The following AKAP10 variants were observed in gnomAD, a reference collection of about 807,000 sequenced individuals.
The protein encoded by AKAP10 is A-kinase anchoring protein 10, also known as A-kinase anchor protein 10, mitochondrial.
A neutral mutation model predicts 80.8 loss-of-function variants in AKAP10; 24 were observed. The observed-to-expected ratio is 0.30, with a 90% CI of 0.22 to 0.42. The LOEUF is 0.42. Ranked by LOEUF, AKAP10 falls within the 10% of genes least tolerant of loss-of-function variation. The probability of loss-of-function intolerance (pLI) is 1.00; values close to 1 mark genes in which losing one functional copy is unlikely to be tolerated. For synonymous variants in AKAP10, 291 were observed against 277.7 expected (o/e 1.05, Z -0.48); for missense variants, 661 against 794.9 (o/e 0.83, Z 2.03).
chr17:19,950,545 G>A lies in AKAP10; in HGVS notation c.878-3040C>T, dbSNP rs926766457. ...GGGCTGGTCTCCAGCTCCTGACCGC[G>A]AGTGATCTGCCTGCCTCGGCCTCCC... is the stretch of plus-strand genomic sequence containing the variant. On this transcript the variant is annotated intron_variant, in intron 4 of 14. Coordinates refer to ENST00000225737, the MANE Select transcript of AKAP10 (RefSeq NM_007202.4). Among the ~76,000 whole-genome samples the A allele has an allele frequency of 3.3e-4, 50 of 152,264 alleles. 1 individual carries two copies. The highest frequency in any genetic ancestry group is 4.1e-4 in the Non-Finnish European group (28 of 68,046).
chr17:19,937,010 A>G (rs935752004), intron 8 of AKAP10, among the ~76,000 whole-genome samples: 15 of 152,292 alleles, frequency 9.8e-5, no homozygotes, highest in South Asian at 6.2e-4. Context: ...ACCAATATTG[A>G]TAACACAAAG....
At chr17:19,906,414 G>T (rs1268621748) in intron 14 of AKAP10, among the ~76,000 whole-genome samples, 182 bp from the exon 15 acceptor site, 1 of 152,170 alleles carries the variant, frequency 6.6e-6, no homozygotes, top group Non-Finnish European at 1.5e-5. Context: ...AAATATGAGT[G>T]AACAGAAGCT....
Position 19,905,911 on chromosome 17 carries a change from C to T in AKAP10, c.*316G>A, listed in dbSNP as rs1467082706. The T allele has an allele frequency of 6.2e-6, 2 of 322,086 alleles. No individual in the cohort carries two copies. Among genetic ancestry groups the T allele is most frequent in the Non-Finnish European group, 1.2e-5 (2 of 170,628 alleles). 20.0% of individuals were successfully genotyped at this position (322,086 alleles called of 1,614,324 possible). On this transcript the variant is annotated 3_prime_UTR_variant, in exon 15 of 15. Coordinates refer to ENST00000225737, the MANE Select transcript of AKAP10 (RefSeq NM_007202.4). ...ATCTGCTTCCCAGAGGATGTGGTCC[C>T]TGTCTATTCCAGTAGGCTAAAACAC...
At chr17:19,916,423 A>G (rs2042742717) in intron 12 of AKAP10, among the ~76,000 whole-genome samples, 1 of 152,228 alleles carries the variant, frequency 6.6e-6, no homozygotes, top group Admixed American at 6.5e-5. Context: ...TGAAGGAATA[A>G]CATAAACAGA....
At chr17:19,924,635 C>T (rs1331915381) in intron 10 of AKAP10, 118 bp from the exon 11 acceptor site, 2 of 534,742 alleles carry the variant, frequency 3.7e-6, no homozygotes, top group Non-Finnish European at 6.6e-6. Flanking sequence ...TTCACTCAAC[C>T]TCATCACTAT....
intron 11 of AKAP10, among the ~76,000 whole-genome samples, chr17:19,922,325 C>T (rs986911689): frequency 6.6e-6 from 1 of 152,162 alleles, no homozygotes; most frequent in East Asian, 1.9e-4. Flanking sequence ...TAGATGGGTA[C>T]CAATATACCA....
chr17:19,926,842 C>T (rs1433899943), intron 10 of AKAP10, among the ~76,000 whole-genome samples: 2 of 152,150 alleles, frequency 1.3e-5, no homozygotes, highest in South Asian at 2.1e-4. Flanking sequence ...ATATTTTGGC[C>T]GGGTGCAGTG....
intron 10 of AKAP10, among the ~76,000 whole-genome samples, chr17:19,927,668 C>G (rs554183822): frequency 1.3e-5 from 2 of 151,562 alleles, no homozygotes; most frequent in Non-Finnish European, 2.9e-5. Context: ...CCCAGCACTT[C>G]GGGAGGCCAA....
chr17:19,928,797 G>A (rs2042902117), intron 10 of AKAP10, among the ~76,000 whole-genome samples: 2 of 152,118 alleles, frequency 1.3e-5, no homozygotes, highest in South Asian at 4.1e-4. Context: ...TTGAACCCAG[G>A]AGACAGAGGT....
At chr17:19,930,107 A>ACC (rs1227530665) in intron 10 of AKAP10, among the ~76,000 whole-genome samples, 1 of 152,150 alleles carries the variant, frequency 6.6e-6, no homozygotes, top group Non-Finnish European at 1.5e-5. Context: ...GAAGAAAAAG[A>ACC]TACTCAGGAG....
intron 12 of AKAP10, among the ~76,000 whole-genome samples, chr17:19,919,788 C>A (rs551514826): frequency 1.3e-5 from 2 of 152,094 alleles, no homozygotes; most frequent in Non-Finnish European, 2.9e-5. Flanking sequence ...AGAAAATAGA[C>A]AATGCTTTTT....
chr17:19,950,997 C>G (rs530488034), intron 4 of AKAP10, among the ~76,000 whole-genome samples: 3 of 150,782 alleles, frequency 2.0e-5, no homozygotes, highest in Non-Finnish European at 3.0e-5. Flanking sequence ...TCTGCCCGAC[C>G]GCCACCCCAT....
chr17:19,911,245 C>T (rs1436850710), intron 12 of AKAP10, among the ~76,000 whole-genome samples: 1 of 152,158 alleles, frequency 6.6e-6, no homozygotes, highest in African/African-American at 2.4e-5. Flanking sequence ...TCAGGCCCCC[C>T]TGCAGAGTCA....
chr17:19,923,878 C>T (rs1459224984), intron 11 of AKAP10, among the ~76,000 whole-genome samples: 7 of 152,138 alleles, frequency 4.6e-5, no homozygotes, highest in African/African-American at 1.7e-4. Flanking sequence ...ATCCCTTTTT[C>T]ATGGTGCTGC....
intron 12 of AKAP10, among the ~76,000 whole-genome samples, chr17:19,911,314 C>T (rs943190687): frequency 6.6e-6 from 1 of 152,172 alleles, no homozygotes; most frequent in Non-Finnish European, 1.5e-5. Flanking sequence ...TCCCAATTTA[C>T]ACATGAAATC....
chr17:19,941,789 C>G (rs1357905896), intron 6 of AKAP10, 37 bp downstream of exon 6: 1 of 1,479,422 alleles, frequency 6.8e-7, no homozygotes, highest in Admixed American at 2.1e-5. Context: ...ACCCAAATTC[C>G]CTAGGATGCA....
chr17:19,972,114 AAAAC>A (rs910320951), intron 1 of AKAP10, among the ~76,000 whole-genome samples: 3 of 152,240 alleles, frequency 2.0e-5, no homozygotes, highest in African/African-American at 7.2e-5. Context: ...AAATAAATAA[AAAAC>A]AAATTATGTG....
At chr17:19,930,855 C>T (rs2042924548) in intron 10 of AKAP10, among the ~76,000 whole-genome samples, 1 of 152,016 alleles carries the variant, frequency 6.6e-6, no homozygotes, top group Non-Finnish European at 1.5e-5. Context: ...GGATTACAGG[C>T]ATGAGCCACC....
At chr17:19,960,401 T>C (rs2043334272) in intron 3 of AKAP10, among the ~76,000 whole-genome samples, 1 of 152,194 alleles carries the variant, frequency 6.6e-6, no homozygotes, top group South Asian at 2.1e-4. Context: ...TCTTTTCATT[T>C]CTCTTAATTT....
Sources: gnomAD v4.1 joint callset for allele counts (sites outside exome capture counted in the v4.1 genomes callset) on GRCh38, gnomAD v4.1.1 for gene constraint, MANE v1.5 for transcripts, NCBI Gene and HGNC (gene_info 2026-07-23, HGNC 2026-07-21) for gene names.